Variants in LRRTM4 observed in about 807,000 individuals in gnomAD.
LRRTM4 encodes leucine-rich repeat transmembrane neuronal protein 4.
Under a neutral mutation model 47.6 loss-of-function variants are expected in LRRTM4, and 25 were observed. The ratio of observed to expected loss-of-function variants is 0.53; its 90% confidence interval spans 0.38 to 0.73. LRRTM4 has a LOEUF of 0.73. LRRTM4 is among the 30% of genes least tolerant of loss of function. The probability of loss-of-function intolerance (pLI) is 0.00; values close to 1 mark genes in which losing one functional copy is unlikely to be tolerated. For missense variants in LRRTM4, 638 were observed against 713.4 expected (o/e 0.89, Z 1.20); for synonymous variants, 311 against 269.5 (o/e 1.15, Z -1.51).
intron 3 of LRRTM4, among the ~76,000 whole-genome samples, chr2:77,111,322 G>T (rs914468526): frequency 2.1e-5 from 3 of 142,666 alleles, no homozygotes; most frequent in African/African-American, 8.0e-5. Flanking sequence ...TAGAAACAGG[G>T]TTTCAATTGT....
chr2:77,430,798 G>T (rs1675341952), intron 3 of LRRTM4, among the ~76,000 whole-genome samples: 1 of 148,282 alleles, frequency 6.7e-6, no homozygotes, highest in African/African-American at 2.6e-5. Flanking sequence ...GTTTTGAGGT[G>T]TATCTGTGAA....
chr2:77,411,271 A>G (rs566609497), intron 3 of LRRTM4, among the ~76,000 whole-genome samples: 1 of 152,154 alleles, frequency 6.6e-6, no homozygotes, highest in South Asian at 2.1e-4. Context: ...ACTTTACAAC[A>G]ATAAATAGTC....
chr2:77,001,082 A>G (rs1677408676), intron 3 of LRRTM4, among the ~76,000 whole-genome samples: 1 of 152,196 alleles, frequency 6.6e-6, no homozygotes, highest in Non-Finnish European at 1.5e-5. Context: ...ATTTAAGCTA[A>G]CTAACTAAAG....
Position 77,297,646 on chromosome 2 carries a change from A to C in LRRTM4, c.1551+220672T>G, listed in dbSNP as rs539636822. 3.3e-5 allele frequency among the ~76,000 whole-genome samples: 5 copies of C among 152,310 alleles called. No individual in the cohort carries two copies. In the East Asian group the frequency reaches 9.7e-4, roughly 29 times the overall value. ...TGGGGTTCTTCTCCTACCAAGCCTG[A>C]GTACAGTCTTCCCAGGAGCCTCTCT... On this transcript the variant is annotated intron_variant, in intron 3 of 3. Transcript: ENST00000409884.
intron 3 of LRRTM4, among the ~76,000 whole-genome samples, chr2:77,085,195 ATTTTAT>A (rs1385706035): frequency 2.7e-5 from 4 of 147,650 alleles, no homozygotes; most frequent in Non-Finnish European, 4.4e-5. Context: ...TCTTTAATAC[ATTTTAT>A]TTTATTTCAT....
In LRRTM4 at chr2:77,518,974, C is replaced by A; in HGVS notation, c.895G>T (p.Ala299Ser). 3.7e-6 allele frequency: 6 copies of A among 1,611,896 alleles called. No individual in the cohort carries two copies. The highest frequency in any genetic ancestry group is 5.1e-6 in the Non-Finnish European group (6 of 1,178,936). ...GTGATGGATATTAATGATATCCACG[C>A]ATTGACAGTTTCCTGTGAGATATTG... ...LTNISQETVN[A>S]WISLISITLS... Residue 299 changes from alanine (A) to serine (S), a missense_variant, in exon 3 of 4, where the codon GCG (alanine) becomes TCG (serine). Ala to Ser is a moderately conservative substitution (Grantham distance 99, BLOSUM62 1). Coordinates refer to ENST00000409884, the MANE Select transcript of LRRTM4 (RefSeq NM_001134745.3).
At chr2:76,757,426 G>C (rs962951625) in intron 3 of LRRTM4, among the ~76,000 whole-genome samples, 5 of 152,096 alleles carry the variant, frequency 3.3e-5, no homozygotes, top group Non-Finnish European at 7.4e-5. Context: ...AGTTGATTAA[G>C]TTAATGAATG....
intron 3 of LRRTM4, among the ~76,000 whole-genome samples, chr2:77,337,067 A>G (rs542704333): frequency 6.8e-4 from 104 of 152,294 alleles, no homozygotes; most frequent in Non-Finnish European, 9.1e-4. Flanking sequence ...GCATTTCCAT[A>G]CACCAATAAC....
At chr2:76,946,772 A>G (rs1174974241) in intron 3 of LRRTM4, among the ~76,000 whole-genome samples, 2 of 151,928 alleles carry the variant, frequency 1.3e-5, no homozygotes, top group Non-Finnish European at 2.9e-5. Context: ...AATCTTCTAA[A>G]TTATACAACA....
At chr2:77,427,648 T>A (rs1168316171) in intron 3 of LRRTM4, among the ~76,000 whole-genome samples, 1 of 152,160 alleles carries the variant, frequency 6.6e-6, no homozygotes, top group Non-Finnish European at 1.5e-5. Context: ...TTAACATGTA[T>A]TTTCACCTTA....
intron 3 of LRRTM4, among the ~76,000 whole-genome samples, chr2:77,394,928 G>A (rs1297822837): frequency 6.6e-6 from 1 of 151,918 alleles, no homozygotes; most frequent in Non-Finnish European, 1.5e-5. Context: ...ACAGGGGGTG[G>A]AGGGTCAGAT....
intron 3 of LRRTM4, among the ~76,000 whole-genome samples, chr2:77,165,384 C>G (rs1049399043): frequency 2.0e-5 from 3 of 152,080 alleles, no homozygotes; most frequent in South Asian, 2.1e-4. Flanking sequence ...ACCAGAGGTA[C>G]AAAGAGGAGC....
At chr2:77,465,155 C>A (rs1157267989) in intron 3 of LRRTM4, among the ~76,000 whole-genome samples, 1 of 152,078 alleles carries the variant, frequency 6.6e-6, no homozygotes, top group Non-Finnish European at 1.5e-5. Flanking sequence ...TGGTAACATA[C>A]AATCTTCACG....
chr2:76,965,356 A>C (rs1675988275), intron 3 of LRRTM4, among the ~76,000 whole-genome samples: 1 of 151,368 alleles, frequency 6.6e-6, no homozygotes, highest in Admixed American at 6.6e-5. Flanking sequence ...ATACACCATC[A>C]TCAAGTAGGA....
Position 77,086,855 on chromosome 2 carries a change from TAAC to T in LRRTM4, c.1552-337942_1552-337940del, listed in dbSNP as rs149043037. Reference sequence around the variant, plus strand: ...CCTGTTAACCCCAAACACAGTAAATTAACAACACAATTCAACGTCAGAAAACAG... The same window carrying T: ...CCTGTTAACCCCAAACACAGTAAATTAACACAATTCAACGTCAGAAAACAG... On this transcript the variant is annotated intron_variant, in intron 3 of 3. Transcript: ENST00000409884. Among the ~76,000 whole-genome samples, 1,016 of 152,146 alleles carry T rather than the reference TAAC, an allele frequency of 6.7e-3. 15 individuals are homozygous for T. Among genetic ancestry groups the T allele is most frequent in the East Asian group, 0.062 (322 of 5,154 alleles).
At chr2:76,947,725 C>G (rs1461059626) in intron 3 of LRRTM4, among the ~76,000 whole-genome samples, 2 of 151,814 alleles carry the variant, frequency 1.3e-5, no homozygotes, top group Non-Finnish European at 2.9e-5. Context: ...TAGATAGCAG[C>G]TGTTCATTAG....
chr2:76,868,825 G>A (rs909760795), intron 3 of LRRTM4, among the ~76,000 whole-genome samples: 3 of 152,098 alleles, frequency 2.0e-5, no homozygotes, highest in Non-Finnish European at 4.4e-5. Flanking sequence ...TTTCTGGGCA[G>A]TCTTTTTTTA....
intron 3 of LRRTM4, among the ~76,000 whole-genome samples, chr2:77,433,703 A>G (rs1675477081): frequency 6.6e-6 from 1 of 152,136 alleles, no homozygotes; most frequent in African/African-American, 2.4e-5. Context: ...AACCAAAAAG[A>G]AGGATTTCTT....
chr2:77,195,282 T>A (rs6740637), intron 3 of LRRTM4, among the ~76,000 whole-genome samples: 17,432 of 151,924 alleles, frequency 0.11, 2,631 homozygotes, highest in African/African-American at 0.35. Context: ...TAATTTAAAA[T>A]TCTTAATAAA....
Sources: allele counts gnomAD v4.1 joint callset (sites outside exome capture counted in the v4.1 genomes callset), GRCh38; gene constraint gnomAD v4.1.1; transcripts MANE v1.5; gene names NCBI Gene and HGNC (gene_info 2026-07-23, HGNC 2026-07-21).